The following GALNT13 variants were observed in gnomAD, a reference collection of about 807,000 sequenced individuals.
GALNT13 encodes UDP-GalNAc:polypeptide N-acetylgalactosaminyltransferase 13.
GALNT13 carries 28 observed loss-of-function variants against 64.2 expected under a neutral mutation model. That is an observed-to-expected ratio of 0.44 (90% CI 0.32 to 0.60). GALNT13 has a LOEUF of 0.60. GALNT13 is among the 20% of genes least tolerant of loss of function. GALNT13 has a pLI of 0.05. For missense variants in GALNT13, 577 were observed against 669.8 expected, an observed-to-expected ratio of 0.86 and a Z score of 1.53; for synonymous variants, 214 against 224.6, an observed-to-expected ratio of 0.95 and a Z score of 0.42.
At chr2:153,600,589 T>G in the GALNT13 span, among the ~76,000 whole-genome samples, 1 of 151,980 alleles carries the variant, frequency 6.6e-6, no homozygotes, top group African/African-American at 2.4e-5. Flanking sequence ...GCTTCGTTTC[T>G]ATGAGATCCT....
chr2:153,671,612 T>G, the GALNT13 span, among the ~76,000 whole-genome samples: 3 of 152,018 alleles, frequency 2.0e-5, no homozygotes, highest in African/African-American at 7.2e-5. Context: ...AAATTGTAAA[T>G]ACCATTGACA....
At chr2:153,596,961 A>G in the GALNT13 span, among the ~76,000 whole-genome samples, 1 of 152,162 alleles carries the variant, frequency 6.6e-6, no homozygotes, top group East Asian at 1.9e-4. Context: ...TATCTGTTAT[A>G]TGGAAAACAC....
At chr2:154,107,974 T>G (rs2105479714) in intron 3 of GALNT13, among the ~76,000 whole-genome samples, 1 of 152,282 alleles carries the variant, frequency 6.6e-6, no homozygotes, top group Non-Finnish European at 1.5e-5. Context: ...ATTGGGTATA[T>G]ATACCACATT....
the GALNT13 span, among the ~76,000 whole-genome samples, chr2:153,734,261 A>G: frequency 6.6e-6 from 1 of 152,186 alleles, no homozygotes; most frequent in Non-Finnish European, 1.5e-5. Flanking sequence ...GTTATAATGA[A>G]TACATTTGTT....
intron 8 of GALNT13, among the ~76,000 whole-genome samples, chr2:154,284,146 A>G (rs910536594): frequency 1.3e-5 from 2 of 152,162 alleles, no homozygotes; most frequent in African/African-American, 4.8e-5. Flanking sequence ...TATACTATTT[A>G]AGCAATTTTG....
the GALNT13 span, among the ~76,000 whole-genome samples, chr2:153,660,057 A>C: frequency 6.6e-6 from 1 of 152,152 alleles, no homozygotes; most frequent in Admixed American, 6.6e-5. Context: ...TTCCTGGTAC[A>C]TATATTATAG....
chr2:153,231,414 A>G, the GALNT13 span, among the ~76,000 whole-genome samples: 8 of 152,336 alleles, frequency 5.3e-5, no homozygotes, highest in East Asian at 1.9e-4. Context: ...TTCTTATTTG[A>G]GCATGATCAA....
At chr2:153,402,287 C>T in the GALNT13 span, among the ~76,000 whole-genome samples, 106 of 152,006 alleles carry the variant, frequency 7.0e-4, 1 homozygote, top group African/African-American at 2.3e-3. Context: ...GGGTCTCTGC[C>T]GAGAGATCTG....
chr2:153,794,694 T>G, the GALNT13 span, among the ~76,000 whole-genome samples: 2 of 152,096 alleles, frequency 1.3e-5, no homozygotes, highest in Non-Finnish European at 2.9e-5. Context: ...CTAATTTTTG[T>G]ATTTTTAGTA....
chr2:153,577,364 C>T, the GALNT13 span, among the ~76,000 whole-genome samples: 26 of 152,182 alleles, frequency 1.7e-4, no homozygotes, highest in East Asian at 5.0e-3. Flanking sequence ...AGAAACCAAG[C>T]ATCCTTCCTT....
the GALNT13 span, among the ~76,000 whole-genome samples, chr2:153,839,585 A>G: frequency 2.0e-5 from 3 of 151,876 alleles, no homozygotes; most frequent in African/African-American, 7.2e-5. Flanking sequence ...TATATTCCAT[A>G]AGAAAAAAGT....
the GALNT13 span, among the ~76,000 whole-genome samples, chr2:153,748,839 C>G: frequency 6.6e-6 from 1 of 151,680 alleles, no homozygotes; most frequent in Non-Finnish European, 1.5e-5. Flanking sequence ...ATTCAAGAAA[C>G]TTTTTCCACC....
the GALNT13 span, among the ~76,000 whole-genome samples, chr2:153,191,935 T>C: frequency 3.9e-5 from 6 of 152,044 alleles, no homozygotes; most frequent in East Asian, 1.2e-3. Flanking sequence ...TATTTGGGTT[T>C]TCTCTTTTTT....
At chr2:153,930,976 A>C (rs1690474947) in intron 2 of GALNT13, among the ~76,000 whole-genome samples, 1 of 151,458 alleles carries the variant, frequency 6.6e-6, no homozygotes, top group African/African-American at 2.4e-5. Flanking sequence ...TTAACCATCT[A>C]TGTTATCTCT....
At chr2:153,255,190 T>C in the GALNT13 span, among the ~76,000 whole-genome samples, 1 of 149,100 alleles carries the variant, frequency 6.7e-6, no homozygotes. Flanking sequence ...TAGTTAGCTC[T>C]TCTTGTTGAA....
chr2:154,307,779 T>C (rs1693820732), intron 9 of GALNT13, among the ~76,000 whole-genome samples: 1 of 152,190 alleles, frequency 6.6e-6, no homozygotes, highest in South Asian at 2.1e-4. Context: ...ACCAATCTGA[T>C]TGTCCTAGCA....
In GALNT13 at chr2:154,397,087, C is replaced by A. The variant is rs1025229308; in HGVS notation, c.1296+957C>A. ...TTATATCCTCCATATTGATAATTTT[C>A]CACTGAATAGGAATCAAAGCTACCT... On this transcript the variant is annotated intron_variant, in intron 10 of 12. Transcript: ENST00000392825. Among the ~76,000 whole-genome samples the A allele has an allele frequency of 1.1e-4, 17 of 151,894 alleles. No homozygotes were observed. The East Asian group carries it at 1.5e-3, about 14-fold the overall frequency.
chr2:154,156,580 T>C (rs1281356050), intron 4 of GALNT13, among the ~76,000 whole-genome samples: 1 of 152,212 alleles, frequency 6.6e-6, no homozygotes, highest in African/African-American at 2.4e-5. Context: ...TATGCTTTAA[T>C]GTATTTGTTT....
chr2:153,890,635 C>A (rs910888405), intron 1 of GALNT13, among the ~76,000 whole-genome samples: 1 of 151,916 alleles, frequency 6.6e-6, no homozygotes, highest in African/African-American at 2.4e-5. Flanking sequence ...GGCTAAATGC[C>A]CTTGTTAGAA....
Sources: gnomAD v4.1 joint callset for allele counts (sites outside exome capture counted in the v4.1 genomes callset) on GRCh38, gnomAD v4.1.1 for gene constraint, MANE v1.5 for transcripts, NCBI Gene and HGNC (gene_info 2026-07-23, HGNC 2026-07-21) for gene names.